Variants in MBD5 observed in about 807,000 individuals in gnomAD.
MBD5 encodes the protein methyl-CpG binding domain protein 5.
MBD5 carries 13 observed loss-of-function variants against 117.3 expected under a neutral mutation model. That is an observed-to-expected ratio of 0.11 (90% CI 0.07 to 0.18). The LOEUF (loss-of-function observed/expected upper bound fraction) is 0.18. Ranked by LOEUF, MBD5 falls within the 10% of genes least tolerant of loss-of-function variation. MBD5 has a pLI of 1.00. For missense variants in MBD5, 1,879 were observed against 2,093.8 expected (o/e 0.90, Z 2.00); for synonymous variants, 727 against 766.4 (o/e 0.95, Z 0.85).
chr2:148,226,357 G>A (rs1699820320), intron 2 of MBD5, among the ~76,000 whole-genome samples: 2 of 152,048 alleles, frequency 1.3e-5, no homozygotes, highest in Admixed American at 1.3e-4. Context: ...GTGAGAACAT[G>A]TGGTGTTTGG....
At chr2:148,335,329 C>T (rs1214408585) in intron 3 of MBD5, among the ~76,000 whole-genome samples, 1 of 151,730 alleles carries the variant, frequency 6.6e-6, no homozygotes, top group Non-Finnish European at 1.5e-5. Context: ...TGCAGTGAGC[C>T]GAGATCCCAC....
intron 1 of MBD5, among the ~76,000 whole-genome samples, chr2:148,158,378 G>C (rs111239313): frequency 7.2e-4 from 109 of 152,270 alleles, no homozygotes; most frequent in African/African-American, 2.5e-3. Context: ...AGCACATGAA[G>C]CCCTTGTCTC....
chr2:148,314,376 G>GTTTTTTTT (rs67471940), intron 3 of MBD5, among the ~76,000 whole-genome samples: 3 of 106,622 alleles, frequency 2.8e-5, no homozygotes, highest in Non-Finnish European at 3.6e-5. Context: ...CAGTGTTATG[G>GTTTTTTTT]TTTTTTTTTT....
chr2:148,141,178 A>T (rs1179499669), intron 1 of MBD5, among the ~76,000 whole-genome samples: 1 of 152,160 alleles, frequency 6.6e-6, no homozygotes, highest in Non-Finnish European at 1.5e-5. Context: ...TATCCTTGAG[A>T]TTGCTGTGGG....
chr2:148,343,475 T>C (rs965277251), intron 4 of MBD5, among the ~76,000 whole-genome samples: 2 of 152,078 alleles, frequency 1.3e-5, no homozygotes, highest in Non-Finnish European at 2.9e-5. Flanking sequence ...TTCTGACTGG[T>C]ATGAGAAGGT....
At chr2:148,316,939 A>G (rs951440726) in intron 3 of MBD5, among the ~76,000 whole-genome samples, 1 of 152,218 alleles carries the variant, frequency 6.6e-6, no homozygotes, top group Non-Finnish European at 1.5e-5. Context: ...TTTTAAAAGC[A>G]TTTAGATGGG....
chr2:148,260,612 TA>T, intron 3 of MBD5: 1 of 213,728 alleles, frequency 4.7e-6, no homozygotes, highest in Non-Finnish European at 9.9e-6. Flanking sequence ...GGGCACAGAC[TA>T]AAAGCCAAGC....
chr2:148,172,209 C>T (rs560095863), intron 1 of MBD5, among the ~76,000 whole-genome samples: 59 of 152,322 alleles, frequency 3.9e-4, no homozygotes, highest in African/African-American at 1.1e-3. Flanking sequence ...CTGCAGCCAC[C>T]CAGCAGTGGC....
At chr2:148,367,502 C>G (rs1370809383) in intron 4 of MBD5, among the ~76,000 whole-genome samples, 1 of 152,166 alleles carries the variant, frequency 6.6e-6, no homozygotes, top group Non-Finnish European at 1.5e-5. Context: ...TAAAGAGCTT[C>G]TGCACAGCAA....
At position 148,247,255 on chromosome 2, in the gene MBD5, G is replaced by A. The variant is rs561231567; in HGVS notation, c.-680+13860G>A. Reference sequence around the variant, plus strand: ...TTTGCAGCAGATTTTCTTGCAGACTGTATGACTTATCTGTGTCAGAAATTA... The same window carrying A: ...TTTGCAGCAGATTTTCTTGCAGACTATATGACTTATCTGTGTCAGAAATTA... On this transcript the variant is annotated intron_variant, in intron 3 of 13. Transcript: ENST00000642680. 2.6e-5 allele frequency among the ~76,000 whole-genome samples: 4 copies of A among 152,260 alleles called. No individual in the cohort carries two copies. The South Asian group carries it at 8.3e-4, about 32-fold the overall frequency.
chr2:148,438,759 A>G (rs1456547988), intron 4 of MBD5, among the ~76,000 whole-genome samples: 1 of 152,148 alleles, frequency 6.6e-6, no homozygotes, highest in Non-Finnish European at 1.5e-5. Flanking sequence ...ACCAACATGT[A>G]GTTCTGATGT....
chr2:148,284,678 C>CA (rs1175914672), intron 3 of MBD5, among the ~76,000 whole-genome samples: 2 of 151,954 alleles, frequency 1.3e-5, no homozygotes, highest in African/African-American at 4.8e-5. Flanking sequence ...GATTATTAAC[C>CA]AAAAAATGGC....
At chr2:148,313,492 C>T (rs996468779) in intron 3 of MBD5, among the ~76,000 whole-genome samples, 6 of 152,170 alleles carry the variant, frequency 3.9e-5, no homozygotes, top group Non-Finnish European at 8.8e-5. Flanking sequence ...CACCTCCCTG[C>T]TCCAAGCTCG....
At chr2:148,228,960 C>T (rs568306488) in intron 2 of MBD5, among the ~76,000 whole-genome samples, 1 of 152,252 alleles carries the variant, frequency 6.6e-6, no homozygotes, top group Admixed American at 6.5e-5. Flanking sequence ...GTGATATCCC[C>T]TTTGTCATTT....
intron 4 of MBD5, among the ~76,000 whole-genome samples, chr2:148,357,063 C>A (rs1465040660): frequency 6.6e-6 from 1 of 152,064 alleles, no homozygotes; most frequent in Non-Finnish European, 1.5e-5. Context: ...AGGGGCAGAG[C>A]CTTACAGGTC....
chr2:148,282,249 A>G (rs2106387009), intron 3 of MBD5, among the ~76,000 whole-genome samples: 1 of 152,268 alleles, frequency 6.6e-6, no homozygotes, highest in Middle Eastern at 3.4e-3. Flanking sequence ...TAGGATATGA[A>G]TCTTTGTCAA....
rs942954469 is a variant in MBD5 at position 148,218,549 on chromosome 2, A to G, written c.-830-14696A>G. Among the ~76,000 whole-genome samples the G allele has an allele frequency of 1.3e-5, 2 of 152,182 alleles. 1 individual carries two copies. Among genetic ancestry groups the G allele is most frequent in the Admixed American group, 1.3e-4 (2 of 15,276 alleles). The stretch of plus-strand genomic sequence containing the variant: ...TGATACAGTCATGCATCGCTTAATG[A>G]CATGAGTACTTTCTGTATTGTTAGG... On this transcript the variant is annotated intron_variant, in intron 2 of 13. Transcript: ENST00000642680.
chr2:148,206,854 T>C (rs1473073331), intron 2 of MBD5, among the ~76,000 whole-genome samples: 3 of 152,178 alleles, frequency 2.0e-5, no homozygotes, highest in Non-Finnish European at 4.4e-5. Flanking sequence ...GAAGCAGTTA[T>C]GAATATCTAC....
chr2:148,468,886 T>C lies in MBD5; in HGVS notation c.943T>C (p.Cys315Arg), dbSNP rs770076687. ...TKSPVMKKPM[C>R]NFSTNMEIPR... ...GAGTCCAGTAATGAAAAAACCAATGTGTAATTTTTCAACTAATATGGAAAT... is the reference window on the plus strand; with the variant it reads ...GAGTCCAGTAATGAAAAAACCAATGCGTAATTTTTCAACTAATATGGAAAT... The change falls in exon 8 of 14, where the codon TGT becomes CGT. Residue 315 changes from cysteine to arginine, a missense_variant. Transcript: ENST00000642680. 1 of 1,613,822 alleles carries C rather than the reference T, an allele frequency of 6.2e-7. No homozygotes were observed. Among genetic ancestry groups the C allele is most frequent in the African/African-American group, 1.3e-5 (1 of 74,888 alleles).
Sources: gnomAD v4.1 joint callset for allele counts (sites outside exome capture counted in the v4.1 genomes callset) on GRCh38, gnomAD v4.1.1 for gene constraint, MANE v1.5 for transcripts, NCBI Gene and HGNC (gene_info 2026-07-23, HGNC 2026-07-21) for gene names.